Variants in ARHGAP30 observed in about 807,000 individuals in gnomAD.
ARHGAP30 encodes the protein Rho GTPase activating protein 30, also known as rho GTPase-activating protein 30.
A neutral mutation model predicts 72.0 loss-of-function variants in ARHGAP30; 23 were observed. The observed-to-expected ratio is 0.32, with a 90% confidence interval of 0.23 to 0.45. The LOEUF is 0.45. Ranked by LOEUF, ARHGAP30 falls within the 20% of genes least tolerant of loss-of-function variation. ARHGAP30 has a pLI of 1.00. For synonymous variants in ARHGAP30, 576 were observed against 528.2 expected (o/e 1.09, Z -1.24); for missense variants, 1,319 against 1,383.4 (o/e 0.95, Z 0.74).
chr1:161,047,705 G>A lies in ARHGAP30; in HGVS notation c.*10C>T. The A allele has an allele frequency of 6.6e-7, 1 of 1,511,412 alleles. No homozygotes were observed. Among genetic ancestry groups the A allele is most frequent in the Non-Finnish European group, 8.8e-7 (1 of 1,130,304 alleles). The allele number at this position is 1,511,412 out of a possible 1,614,324, so 93.6% of individuals were successfully genotyped here. On this transcript the variant is annotated 3_prime_UTR_variant, in exon 12 of 12. Coordinates refer to ENST00000368013, the MANE Select transcript of ARHGAP30 (RefSeq NM_001025598.2). ...TTGCTGGTCCCCTTTGCCCAGGGCT[G>A]TGGTCCTAATCACAGTCCTTCACCT... is the stretch of plus-strand genomic sequence containing the variant.
intron 1 of ARHGAP30, among the ~76,000 whole-genome samples, chr1:161,062,712 G>C (rs914382176): frequency 2.6e-5 from 4 of 151,556 alleles, no homozygotes; most frequent in East Asian, 1.9e-4. Flanking sequence ...CTGGGGGACA[G>C]AGTGAGATTC....
chr1:161,051,399 A>G lies in ARHGAP30; in HGVS notation c.1335T>C (p.Arg445=). 2 of 1,614,058 alleles carry G rather than the reference A, an allele frequency of 1.2e-6. No homozygotes were observed. Among genetic ancestry groups the G allele is most frequent in the Non-Finnish European group, 1.7e-6 (2 of 1,180,038 alleles). ...ISNVSLARLT[R]GLECPALQHR... ...GCTGTAGAGCAGGGCACTCAAGGCC[A>G]CGGGTGAGCCTGGCCAAGGAAACGT... Residue 445 remains arginine, a synonymous_variant, in exon 10 of 12, where the codon CGT becomes CGC. Coordinates refer to ENST00000368013, the MANE Select transcript of ARHGAP30 (RefSeq NM_001025598.2).
chr1:161,050,707 C>T (rs548022996), intron 10 of ARHGAP30, among the ~76,000 whole-genome samples: 1 of 151,848 alleles, frequency 6.6e-6, no homozygotes, highest in South Asian at 2.1e-4. Context: ...GTGGCGTGAT[C>T]TCGGCTCGCT....
At chr1:161,060,864 C>T (rs1364697427) in intron 1 of ARHGAP30, among the ~76,000 whole-genome samples, 1 of 151,710 alleles carries the variant, frequency 6.6e-6, no homozygotes. Context: ...GCTACGTCTC[C>T]AGCTAACTTT....
intron 9 of ARHGAP30, 83 bp from the exon 10 acceptor site, chr1:161,051,798 T>G: frequency 2.8e-6 from 4 of 1,447,468 alleles, no homozygotes; most frequent in Non-Finnish European, 3.6e-6. Flanking sequence ...TGGAGAATGC[T>G]CTCTGCTTTC....
intron 2 of ARHGAP30, among the ~76,000 whole-genome samples, chr1:161,058,427 G>A (rs1254429517): frequency 6.6e-6 from 1 of 152,012 alleles, no homozygotes; most frequent in Non-Finnish European, 1.5e-5. Flanking sequence ...AGGAGTTCAA[G>A]AGCAGCCTGG....
intron 1 of ARHGAP30, among the ~76,000 whole-genome samples, chr1:161,065,011 G>C (rs1652659773): frequency 6.6e-6 from 1 of 151,890 alleles, no homozygotes; most frequent in Non-Finnish European, 1.5e-5. Flanking sequence ...TTTCCTTATG[G>C]GCCCATGAGT....
intron 1 of ARHGAP30, among the ~76,000 whole-genome samples, chr1:161,067,471 G>A (rs1223584381): frequency 1.3e-5 from 2 of 152,098 alleles, no homozygotes; most frequent in African/African-American, 4.8e-5. Context: ...TCTGGAGGCT[G>A]AGGCAGGAGA....
Position 161,053,501 on chromosome 1 carries a change from T to TCTCTCTCTCG in ARHGAP30, c.537-117_537-116insCGAGAGAGAG, listed in dbSNP as rs1553217386. 4.7e-5 allele frequency: 38 copies of TCTCTCTCTCG among 813,222 alleles called. No individual in the cohort carries two copies. In the East Asian group the frequency reaches 2.9e-3, roughly 63 times the overall value. 50.4% of individuals were successfully genotyped at this position (813,222 alleles called of 1,614,324 possible). ...CTCTCTCTCTCTCTCTCTCTCTCTCTCTCTCGAATGACCTTAACCCCTTCT... is the reference window on the plus strand; with the variant it reads ...CTCTCTCTCTCTCTCTCTCTCTCTCTCTCTCTCTCGCTCTCGAATGACCTTAACCCCTTCT... On this transcript the variant is annotated intron_variant, in intron 5 of 11. Coordinates refer to ENST00000368013, the MANE Select transcript of ARHGAP30 (RefSeq NM_001025598.2).
chr1:161,054,258 C>G, intron 5 of ARHGAP30, 108 bp downstream of exon 5: 1 of 1,026,310 alleles, frequency 9.7e-7, no homozygotes, highest in Non-Finnish European at 1.5e-6. Flanking sequence ...TTTGTGAGCC[C>G]TACACCCTTC....
At chr1:161,053,460 TA>T in intron 5 of ARHGAP30, 75 bp from the exon 6 acceptor site, 8 of 982,814 alleles carry the variant, frequency 8.1e-6, no homozygotes, top group East Asian at 3.2e-5. Flanking sequence ...GAAAATACCT[TA>T]TTCTCTCTCT....
intron 3 of ARHGAP30, among the ~76,000 whole-genome samples, chr1:161,055,880 TAAAA>T (rs57715838): frequency 0.012 from 541 of 43,402 alleles, 27 homozygotes; most frequent in Middle Eastern, 0.039. Context: ...TAAAATAAAA[TAAAA>T]ATAAATAAAA....
intron 1 of ARHGAP30, among the ~76,000 whole-genome samples, chr1:161,068,759 C>A (rs375563847): frequency 6.6e-6 from 1 of 152,096 alleles, no homozygotes; most frequent in Admixed American, 6.6e-5. Context: ...GGCTTCAAAG[C>A]CCACTCTAAG....
chr1:161,064,827 GAAAGAGAAAGAA>G (rs1478932987), intron 1 of ARHGAP30, among the ~76,000 whole-genome samples: 6 of 67,036 alleles, frequency 9.0e-5, no homozygotes, highest in African/African-American at 4.2e-4. Flanking sequence ...AAGAAAGAAA[GAAAGAGAAAGAA>G]AGAAAGAAAG....
chr1:161,052,719 G>A lies in ARHGAP30; in HGVS notation c.743C>T (p.Pro248Leu), dbSNP rs752170701. The part of the protein sequence containing the change: ...SGSPEDLMPR[P>L]LPYHLPSILQ... ...TATGCTAGGCAGGTGATAAGGCAGT[G>A]GCCTGGGCATAAGGTCCTCGGGGCT... The change falls in exon 7 of 12, where the codon CCA becomes CTA. Residue 248 changes from proline to leucine, a missense_variant. Physicochemically the swap from Pro to Leu is moderately conservative, Grantham distance 98 (BLOSUM62 -3). Transcript: ENST00000368013. The A allele has an allele frequency of 6.2e-7, 1 of 1,612,840 alleles. No individual in the cohort carries two copies. The highest frequency in any genetic ancestry group is 1.1e-5 in the South Asian group (1 of 91,014).
chr1:161,055,854 AAT>A (rs1651801855), intron 3 of ARHGAP30, among the ~76,000 whole-genome samples: 2 of 36,476 alleles, frequency 5.5e-5, no homozygotes, highest in African/African-American at 2.6e-4. Context: ...AATAAAATAA[AAT>A]AAATAAAATA....
chr1:161,054,356 A>C lies in ARHGAP30; in HGVS notation c.536+10T>G. The stretch of plus-strand genomic sequence containing the variant: ...CAGGATCCCCATACACTGCTCACAC[A>C]GGCACCTACCTCAGCAGGTTGGGAG... On this transcript the variant is annotated intron_variant, in intron 5 of 11. Coordinates refer to ENST00000368013, the MANE Select transcript of ARHGAP30 (RefSeq NM_001025598.2). 6.2e-7 allele frequency: 1 copy of C among 1,611,716 alleles called. No individual in the cohort carries two copies.
rs1332983748 is a variant in ARHGAP30 at position 161,049,272 on chromosome 1, G to A, written c.1749C>T (p.Val583=). Reference sequence around the variant, plus strand: ...CCAGGGAACAGCAGCTGGGGGCCAAGACAAACTGTGCCTCATCCAGAGACA... The same window carrying A: ...CCAGGGAACAGCAGCTGGGGGCCAAAACAAACTGTGCCTCATCCAGAGACA... ...DDLSLDEAQF[V]LAPSCCSLDS... The change falls in exon 12 of 12, where the codon GTC becomes GTT. Residue 583 remains valine (V), a synonymous_variant. Coordinates refer to ENST00000368013, the MANE Select transcript of ARHGAP30 (RefSeq NM_001025598.2). The A allele has an allele frequency of 1.1e-5, 18 of 1,614,118 alleles. No homozygotes were observed. The highest frequency in any genetic ancestry group is 1.4e-5 in the Non-Finnish European group (16 of 1,180,026).
In ARHGAP30 at chr1:161,052,805, A is replaced by G. The variant is rs1358629153; in HGVS notation, c.665-8T>C. The G allele has an allele frequency of 8.7e-6, 14 of 1,609,508 alleles. No individual in the cohort carries two copies. The highest frequency in any genetic ancestry group is 1.2e-5 in the Non-Finnish European group (14 of 1,178,644). The stretch of plus-strand genomic sequence containing the variant: ...CACTCTCCACCTCACCACCTGGGAA[A>G]AGAAAAGGAATTGGCCAGCCAGGAA... On this transcript the variant is annotated splice_polypyrimidine_tract_variant and splice_region_variant and intron_variant, in intron 6 of 11. Transcript: ENST00000368013.
Sources: allele counts gnomAD v4.1 joint callset (sites outside exome capture counted in the v4.1 genomes callset), GRCh38; gene constraint gnomAD v4.1.1; transcripts MANE v1.5; gene names NCBI Gene and HGNC (gene_info 2026-07-23, HGNC 2026-07-21).